Variants in SNX29 observed in about 807,000 individuals in gnomAD.
SNX29 encodes the protein sorting nexin 29.
In SNX29, 78 loss-of-function variants were observed where a neutral mutation model predicts 102.1. The observed-to-expected ratio is 0.76, with a 90% CI of 0.64 to 0.92. The LOEUF (loss-of-function observed/expected upper bound fraction) is 0.92, where lower values mean the gene tolerates loss of function less well. Among genes scored for constraint, SNX29 ranks in the 40% least tolerant of loss-of-function variants. The pLI is 0.00. For missense variants in SNX29, 1,280 were observed against 1,061.7 expected, an observed-to-expected ratio of 1.21 and a Z score of -2.86; for synonymous variants, 580 against 414.5, an observed-to-expected ratio of 1.40 and a Z score of -4.85.
chr16:12,128,452 CT>C (rs35504724), intron 12 of SNX29, among the ~76,000 whole-genome samples: 95 of 128,264 alleles, frequency 7.4e-4, no homozygotes, highest in Non-Finnish European at 7.2e-4. Flanking sequence ...TGATTATATT[CT>C]TTTTTTTTTT....
At chr16:12,160,748 A>G (rs537387598) in intron 13 of SNX29, among the ~76,000 whole-genome samples, 1 of 152,360 alleles carries the variant, frequency 6.6e-6, no homozygotes, top group East Asian at 1.9e-4. Flanking sequence ...GAGATTTTGT[A>G]CAAAATAAAA....
chr16:12,493,131 C>T (rs985776421), intron 19 of SNX29, among the ~76,000 whole-genome samples: 2 of 152,140 alleles, frequency 1.3e-5, no homozygotes, highest in African/African-American at 4.8e-5. Flanking sequence ...GCAGTATGGC[C>T]GTTTTCATGA....
At chr16:12,538,969 TATAA>T (rs967547120) in intron 20 of SNX29, among the ~76,000 whole-genome samples, 4 of 152,258 alleles carry the variant, frequency 2.6e-5, no homozygotes, top group East Asian at 1.9e-4. Context: ...AGGCAAGTGA[TATAA>T]ATAGGGAGAA....
intron 20 of SNX29, among the ~76,000 whole-genome samples, chr16:12,545,944 C>G (rs533614126): frequency 2.3e-4 from 35 of 152,234 alleles, no homozygotes; most frequent in East Asian, 7.7e-4. Context: ...ATGTATTATC[C>G]TGACAACTAA....
chr16:12,197,442 G>A (rs529888200), intron 13 of SNX29, among the ~76,000 whole-genome samples: 1 of 152,012 alleles, frequency 6.6e-6, no homozygotes, highest in Non-Finnish European at 1.5e-5. Flanking sequence ...ATGGTGGTGG[G>A]CGCCTATAAT....
rs1480933627 is a variant in SNX29 at position 12,572,612 on chromosome 16, G to T, written c.*3983G>T. On this transcript the variant is annotated 3_prime_UTR_variant, in exon 21 of 21. Transcript: ENST00000566228. ...CTCCCAGTGAGCCCCCTCCCCTCCG[G>T]CTACCCCCAGAATCCATCCTTCATT... The T allele has an allele frequency of 1.9e-5, 20 of 1,063,536 alleles. No individual in the cohort carries two copies. The highest frequency in any genetic ancestry group is 8.4e-4 in the Middle Eastern group (2 of 2,390). The allele number at this position is 1,063,536 out of a possible 1,614,324, so 65.9% of individuals were successfully genotyped here.
chr16:12,374,939 T>A (rs1431673651), intron 16 of SNX29: 1 of 152,178 alleles, frequency 6.6e-6, no homozygotes, highest in Admixed American at 6.5e-5. Flanking sequence ...CATACTTTCC[T>A]TTTTAAGTAA....
At chr16:12,320,164 AG>A (rs1477848614) in intron 15 of SNX29, among the ~76,000 whole-genome samples, 1 of 152,108 alleles carries the variant, frequency 6.6e-6, no homozygotes, top group Non-Finnish European at 1.5e-5. Context: ...GACAGAGTAA[AG>A]GGCCGACCCT....
rs540105457 is a variant in SNX29, at chr16:12,098,136, G to A, written c.1402+19221G>A. 7.9e-5 allele frequency among the ~76,000 whole-genome samples: 12 copies of A among 152,310 alleles called. No individual in the cohort carries two copies. The highest frequency in any genetic ancestry group is 2.4e-4 in the African/African-American group (10 of 41,574). ...CTCAGTACGTGGCCGGGGTGCTTAC[G>A]TTTTGGTTGCAGCCCAGCAGTTCTA... On this transcript the variant is annotated intron_variant, in intron 11 of 20. Coordinates refer to ENST00000566228, the MANE Select transcript of SNX29 (RefSeq NM_032167.5). This position sits in a 1 kb window ranked among gnomAD's most constrained non-coding sequence, Gnocchi z 6.0.
At chr16:12,567,919 C>G (rs756036380) in intron 20 of SNX29, among the ~76,000 whole-genome samples, 1 of 152,184 alleles carries the variant, frequency 6.6e-6, no homozygotes, top group Admixed American at 6.5e-5. Flanking sequence ...GACCCACACA[C>G]GCTGTGTGTT....
chr16:12,066,994 A>G (rs1236319504), intron 9 of SNX29, among the ~76,000 whole-genome samples: 2 of 142,898 alleles, frequency 1.4e-5, no homozygotes, highest in Non-Finnish European at 3.0e-5. Context: ...TAAATAAATA[A>G]ATAAATAAAT....
chr16:12,334,666 C>T (rs542871283), intron 15 of SNX29, among the ~76,000 whole-genome samples: 4 of 152,246 alleles, frequency 2.6e-5, no homozygotes, highest in East Asian at 1.9e-4. Context: ...GCTGAACATT[C>T]GGGCCATTTC....
At chr16:12,563,970 C>T (rs923171611) in intron 20 of SNX29, among the ~76,000 whole-genome samples, 4 of 149,832 alleles carry the variant, frequency 2.7e-5, no homozygotes, top group East Asian at 2.0e-4. Flanking sequence ...AAGGGCTTTT[C>T]AGATAAGGTT....
At chr16:12,227,057 G>T (rs1233534337) in intron 14 of SNX29, among the ~76,000 whole-genome samples, 4 of 152,230 alleles carry the variant, frequency 2.6e-5, no homozygotes, top group Non-Finnish European at 5.9e-5. Flanking sequence ...GGACTGTGGT[G>T]AAGTGTAGGA....
rs185909628 is a variant in SNX29 at position 12,380,184 on chromosome 16, G to C, written c.1900-18262G>C. Among the ~76,000 whole-genome samples, 278 of 152,040 alleles carry C rather than the reference G, an allele frequency of 1.8e-3. 2 individuals carry two copies. The highest frequency in any genetic ancestry group is 6.4e-3 in the African/African-American group (265 of 41,458). On this transcript the variant is annotated intron_variant, in intron 16 of 20. Coordinates refer to ENST00000566228, the MANE Select transcript of SNX29 (RefSeq NM_032167.5). ...CCTAAGGGCTGATCAGAATGACCTT[G>C]GTCTCGGTTCCAGGGGTTCAGAAAT...
chr16:12,247,751 G>A (rs1012891358), intron 14 of SNX29, among the ~76,000 whole-genome samples: 1 of 152,146 alleles, frequency 6.6e-6, no homozygotes, highest in Non-Finnish European at 1.5e-5. Context: ...TTTTTTAAAT[G>A]TTAAGGTTGG....
rs772817175 is a variant in SNX29 at position 12,061,601 on chromosome 16, G to A, written c.1198G>A (p.Asp400Asn). The A allele has an allele frequency of 1.2e-5, 19 of 1,611,996 alleles. No homozygotes were observed. The highest frequency in any genetic ancestry group is 1.7e-5 in the Admixed American group (1 of 59,738). Reference sequence around the variant, plus strand: ...GCTGAAGGTGCTGCACAATGACTCCGACATCCTCTTCCCTGTCAGTGGCGT... The same window carrying A: ...GCTGAAGGTGCTGCACAATGACTCCAACATCCTCTTCCCTGTCAGTGGCGT... ...APLKVLHNDS[D>N]ILFPVSGVGS... Residue 400 changes from aspartate (D) to asparagine (N), a missense_variant, in exon 9 of 21, where the codon GAC becomes AAC. By Grantham distance (23) the Asp-to-Asn change is conservative. Coordinates refer to ENST00000566228, the MANE Select transcript of SNX29 (RefSeq NM_032167.5).
chr16:12,458,954 T>C (rs961943297), intron 18 of SNX29, among the ~76,000 whole-genome samples: 1 of 152,212 alleles, frequency 6.6e-6, no homozygotes, highest in African/African-American at 2.4e-5. Flanking sequence ...TTTTGCCTTA[T>C]ATAAGTAAAA....
chr16:12,116,347 T>G (rs2053701592), intron 11 of SNX29, among the ~76,000 whole-genome samples: 1 of 152,214 alleles, frequency 6.6e-6, no homozygotes, highest in East Asian at 1.9e-4. Context: ...AATTGTGGCA[T>G]ATCCATACAG....
Sources: allele counts gnomAD v4.1 joint callset (sites outside exome capture counted in the v4.1 genomes callset), GRCh38; gene constraint gnomAD v4.1.1; non-coding constraint Gnocchi (gnomAD v3.1); transcripts MANE v1.5; gene names NCBI Gene and HGNC (gene_info 2026-07-23, HGNC 2026-07-21).